The following PTPRK variants were observed in gnomAD, a reference collection of about 807,000 sequenced individuals.
The protein encoded by PTPRK is protein tyrosine phosphatase receptor type K.
PTPRK carries 75 observed loss-of-function variants against 178.0 expected under a neutral mutation model. The ratio of observed to expected loss-of-function variants is 0.42; its 90% CI spans 0.35 to 0.51. The LOEUF is 0.51. Ranked by LOEUF, PTPRK falls within the 20% of genes least tolerant of loss-of-function variation. The probability of loss-of-function intolerance (pLI) is 0.02; values close to 1 mark genes in which losing one functional copy is unlikely to be tolerated. For missense variants in PTPRK, 1,441 were observed against 1,797.8 expected (o/e 0.80, Z 3.59); for synonymous variants, 637 against 620.6 (o/e 1.03, Z -0.39).
intron 10 of PTPRK, among the ~76,000 whole-genome samples, chr6:128,079,511 T>G (rs1784432974): frequency 6.6e-6 from 1 of 151,980 alleles, no homozygotes; most frequent in African/African-American, 2.4e-5. Flanking sequence ...AAGAATAAAT[T>G]TATAATTTTT....
intron 13 of PTPRK, among the ~76,000 whole-genome samples, chr6:128,030,391 G>T (rs536409676): frequency 6.6e-6 from 1 of 152,132 alleles, no homozygotes; most frequent in South Asian, 2.1e-4. Context: ...CATTTTGAAG[G>T]GTAAAAATCA....
chr6:128,364,427 T>A (rs898451185), intron 2 of PTPRK, among the ~76,000 whole-genome samples: 2 of 152,110 alleles, frequency 1.3e-5, no homozygotes, highest in African/African-American at 4.8e-5. Context: ...TACTGAATAC[T>A]TTTTACATAT....
In PTPRK at chr6:127,973,806, C is replaced by T; in HGVS notation, c.3991G>A (p.Val1331Met). 6.2e-7 allele frequency: 1 copy of T among 1,613,468 alleles called. No homozygotes were observed. Among genetic ancestry groups the T allele is most frequent in the Middle Eastern group, 1.7e-4 (1 of 6,056 alleles). ...LTRPQEGYLM[V>M]QQFQYLGWAS... ...CATCCTAGGTACTGAAACTGTTGCA[C>T]CATCAGATAACCTTCCTGTGGCTGT... is the stretch of plus-strand genomic sequence containing the variant. Residue 1331 changes from valine (V) to methionine (M), a missense_variant, in exon 28 of 30, where the codon GTG becomes ATG. Coordinates refer to ENST00000368226, the MANE Select transcript of PTPRK (RefSeq NM_002844.4).
intron 16 of PTPRK, 98 bp downstream of exon 16, chr6:127,998,622 C>T: frequency 1.0e-6 from 1 of 966,786 alleles, no homozygotes; most frequent in Non-Finnish European, 1.5e-6. Context: ...ATAGAACAAT[C>T]CCCTCCTTGT....
intron 13 of PTPRK, among the ~76,000 whole-genome samples, chr6:128,015,134 A>G (rs1028703809): frequency 2.6e-5 from 4 of 151,720 alleles, no homozygotes; most frequent in African/African-American, 4.8e-5. Context: ...CTAGTCTTAG[A>G]GTCTCTAAAT....
chr6:128,366,762 C>T (rs1835552349), intron 2 of PTPRK, among the ~76,000 whole-genome samples: 1 of 152,028 alleles, frequency 6.6e-6, no homozygotes. Context: ...TATATAAAAC[C>T]AACTGTGTGG....
intron 7 of PTPRK, among the ~76,000 whole-genome samples, chr6:128,124,749 C>G (rs999367020): frequency 1.3e-5 from 2 of 152,134 alleles, no homozygotes; most frequent in African/African-American, 2.4e-5. Context: ...TAGGCCTTAT[C>G]CAATCAGCTG....
intron 2 of PTPRK, chr6:128,340,659 T>C (rs1831542663): frequency 3.1e-6 from 1 of 321,550 alleles, no homozygotes; most frequent in African/African-American, 2.2e-5. Flanking sequence ...ATGTATAAAA[T>C]CAATACAGTT....
intron 18 of PTPRK, among the ~76,000 whole-genome samples, chr6:127,994,357 T>C (rs1224302326): frequency 2.6e-5 from 4 of 151,792 alleles, no homozygotes; most frequent in African/African-American, 9.7e-5. Flanking sequence ...GTGAATCAAT[T>C]TAATTATAGC....
At chr6:128,374,038 CTTGT>C in intron 2 of PTPRK, among the ~76,000 whole-genome samples, 1 of 152,158 alleles carries the variant, frequency 6.6e-6, no homozygotes, top group East Asian at 1.9e-4. Flanking sequence ...AATCTCACAC[CTTGT>C]TTGTTATTTA....
chr6:128,437,866 C>T (rs1236504960), intron 1 of PTPRK, among the ~76,000 whole-genome samples: 3 of 152,172 alleles, frequency 2.0e-5, no homozygotes, highest in Non-Finnish European at 4.4e-5. Flanking sequence ...GAAGCTGTCG[C>T]GATTCCCAGA....
At chr6:128,445,684 T>C (rs1449313948) in intron 1 of PTPRK, among the ~76,000 whole-genome samples, 2 of 152,158 alleles carry the variant, frequency 1.3e-5, no homozygotes, top group East Asian at 1.9e-4. Context: ...TTTAAATGTT[T>C]TGAGTTTTCT....
At chr6:128,083,569 G>A (rs551194679) in intron 9 of PTPRK, 146 bp downstream of exon 9, 3 of 426,710 alleles carry the variant, frequency 7.0e-6, no homozygotes, top group Non-Finnish European at 1.2e-5. Context: ...TGGAATCAAA[G>A]AATCTGTAAA....
chr6:128,394,022 C>T (rs1010251413), intron 2 of PTPRK, among the ~76,000 whole-genome samples: 10 of 152,114 alleles, frequency 6.6e-5, no homozygotes, highest in African/African-American at 4.8e-5. Flanking sequence ...ACCATCATTA[C>T]CCAAACCCTC....
intron 7 of PTPRK, among the ~76,000 whole-genome samples, chr6:128,176,535 A>C (rs1801107364): frequency 1.3e-5 from 2 of 151,960 alleles, no homozygotes; most frequent in Middle Eastern, 3.4e-3. Flanking sequence ...GTGACATAAA[A>C]GGCATGAATT....
chr6:128,055,187 T>C (rs573756833), intron 13 of PTPRK, among the ~76,000 whole-genome samples: 19 of 152,276 alleles, frequency 1.2e-4, no homozygotes, highest in African/African-American at 4.3e-4. Flanking sequence ...AGTTACAAAG[T>C]TTATTTTGAC....
intron 2 of PTPRK, among the ~76,000 whole-genome samples, chr6:128,373,297 T>C (rs1175933749): frequency 2.0e-5 from 3 of 152,236 alleles, no homozygotes; most frequent in East Asian, 1.9e-4. Context: ...CAGATGCATA[T>C]GCAATAATCT....
rs574431672 is a variant in PTPRK, at chr6:128,287,534, TCA to T, written c.495+34503_495+34504del. 1.2e-3 allele frequency among the ~76,000 whole-genome samples: 178 copies of T among 152,302 alleles called. 1 individual carries two copies. Among genetic ancestry groups the T allele is most frequent in the South Asian group, 4.6e-3 (22 of 4,826 alleles). On this transcript the variant is annotated intron_variant, in intron 3 of 29. Transcript: ENST00000368226. ...TCCAAACTTTTATCTACCTTCAACC[TCA>T]CAGTTGATCATCTAAGTTCCTCTTA...
chr6:128,235,415 C>G (rs1180954288), intron 5 of PTPRK: 2 of 215,420 alleles, frequency 9.3e-6, no homozygotes, highest in Admixed American at 1.2e-4. Flanking sequence ...TATTTCATTT[C>G]AGTATAAATT....
Sources: allele counts gnomAD v4.1 joint callset (sites outside exome capture counted in the v4.1 genomes callset), GRCh38; gene constraint gnomAD v4.1.1; transcripts MANE v1.5; gene names NCBI Gene and HGNC (gene_info 2026-07-23, HGNC 2026-07-21).